CD244: variants seen among roughly 807,000 people sequenced by gnomAD.
The protein encoded by CD244 is natural killer cell receptor 2B4.
A neutral mutation model predicts 45.5 loss-of-function variants in CD244; 20 were observed. The observed-to-expected ratio is 0.44, with a 90% CI of 0.31 to 0.64. The LOEUF is 0.64. CD244 is among the 30% of genes least tolerant of loss of function. The pLI is 0.08. For missense variants in CD244, 407 were observed against 426.9 expected, an observed-to-expected ratio of 0.95 and a Z score of 0.41; for synonymous variants, 185 against 160.5, an observed-to-expected ratio of 1.15 and a Z score of -1.15.
intron 1 of CD244, among the ~76,000 whole-genome samples, chr1:160,855,665 G>A (rs569086235): frequency 1.4e-4 from 21 of 152,330 alleles, no homozygotes; most frequent in African/African-American, 4.8e-4. Context: ...TTAGAGGAAA[G>A]AGGCCACAGT....
chr1:160,849,828 C>G (rs1309914304), intron 1 of CD244, among the ~76,000 whole-genome samples: 1 of 152,146 alleles, frequency 6.6e-6, no homozygotes, highest in Admixed American at 6.5e-5. Flanking sequence ...GCCTGGCCAA[C>G]ACAGTGAAAC....
At chr1:160,849,739 T>C (rs1315926929) in intron 1 of CD244, among the ~76,000 whole-genome samples, 2 of 152,134 alleles carry the variant, frequency 1.3e-5, no homozygotes, top group East Asian at 1.9e-4. Context: ...GAAATGAATA[T>C]GTGAGGCTGG....
At chr1:160,848,845 T>C (rs552771466) in intron 1 of CD244, among the ~76,000 whole-genome samples, 9 of 152,340 alleles carry the variant, frequency 5.9e-5, no homozygotes, top group Admixed American at 5.9e-4. Flanking sequence ...TCTTCATCTG[T>C]ATCCTTTGTA....
intron 3 of CD244, among the ~76,000 whole-genome samples, chr1:160,840,056 C>T (rs1190408849): frequency 1.5e-5 from 2 of 131,162 alleles, no homozygotes; most frequent in African/African-American, 2.8e-5. Context: ...CTTATTATCA[C>T]CCCCATTTTA....
At chr1:160,844,206 T>G (rs1013668329) in intron 1 of CD244, among the ~76,000 whole-genome samples, 1 of 151,904 alleles carries the variant, frequency 6.6e-6, no homozygotes, top group Non-Finnish European at 1.5e-5. Context: ...ATACACAATA[T>G]CCAAAGTGAA....
intron 1 of CD244, among the ~76,000 whole-genome samples, chr1:160,859,292 G>A (rs1173920511): frequency 1.3e-5 from 2 of 152,184 alleles, no homozygotes; most frequent in Non-Finnish European, 2.9e-5. Flanking sequence ...CAAGAGGAGA[G>A]ACAAAGAGGA....
At chr1:160,848,430 G>T in intron 1 of CD244, 1 of 551,222 alleles carries the variant, frequency 1.8e-6, no homozygotes, top group Non-Finnish European at 3.6e-6. Context: ...ATTGCAGACA[G>T]CATGGAGCCC....
chr1:160,862,552 T>G (rs1670348020), intron 1 of CD244, 65 bp downstream of exon 1: 2 of 1,454,026 alleles, frequency 1.4e-6, no homozygotes, highest in African/African-American at 2.8e-5. Context: ...GCTCTGGCTC[T>G]GATCTCCCTG....
At chr1:160,852,720 AT>A (rs1431488470) in intron 1 of CD244, among the ~76,000 whole-genome samples, 1 of 151,744 alleles carries the variant, frequency 6.6e-6, no homozygotes, top group Non-Finnish European at 1.5e-5. Context: ...ATCCAGAAGA[AT>A]TTGTACACAA....
chr1:160,851,294 C>T (rs1030062852), intron 1 of CD244, among the ~76,000 whole-genome samples: 1 of 152,180 alleles, frequency 6.6e-6, no homozygotes, highest in Admixed American at 6.5e-5. Flanking sequence ...GGCCCCTATC[C>T]CGAAGCTGCC....
At chr1:160,849,573 A>G (rs1001219178) in intron 1 of CD244, among the ~76,000 whole-genome samples, 2 of 152,088 alleles carry the variant, frequency 1.3e-5, no homozygotes, top group Admixed American at 6.6e-5. Context: ...TTCCTGTGTT[A>G]GTTTGCTGAG....
intron 1 of CD244, among the ~76,000 whole-genome samples, chr1:160,850,595 T>G (rs959583855): frequency 3.3e-5 from 5 of 152,198 alleles, no homozygotes; most frequent in Admixed American, 1.3e-4. Context: ...GAAATTAAGA[T>G]AGCATTCCAG....
At chr1:160,859,743 CAAAAAAAAA>C (rs541327271) in intron 1 of CD244, among the ~76,000 whole-genome samples, 3 of 108,674 alleles carry the variant, frequency 2.8e-5, no homozygotes, top group Non-Finnish European at 2.1e-5. Flanking sequence ...CCTGTATCTA[CAAAAAAAAA>C]AAAAAAAATT....
intron 1 of CD244, among the ~76,000 whole-genome samples, chr1:160,843,782 A>C (rs1006609194): frequency 6.6e-6 from 1 of 152,248 alleles, no homozygotes; most frequent in Non-Finnish European, 1.5e-5. Flanking sequence ...ATCTGGAAGA[A>C]GGAAATTCAG....
chr1:160,842,711 A>T (rs1669585546), intron 1 of CD244, among the ~76,000 whole-genome samples: 1 of 152,176 alleles, frequency 6.6e-6, no homozygotes, highest in Non-Finnish European at 1.5e-5. Context: ...GTGATCAGAA[A>T]GTCTCCACAA....
rs567425879 is a variant in CD244, at chr1:160,847,503, C to T, written c.62-5602G>A. ...AAGTATTGAAATCATACCAATTATG[C>T]CCTCTAAGCACAGTAGAATTAAACA... On this transcript the variant is annotated intron_variant, in intron 1 of 8. Coordinates refer to ENST00000368034, the MANE Select transcript of CD244 (RefSeq NM_016382.4). Among the ~76,000 whole-genome samples, 188 of 152,174 alleles carry T rather than the reference C, an allele frequency of 1.2e-3. 4 individuals carry two copies. In the South Asian group the frequency reaches 0.027, roughly 22 times the overall value.
intron 1 of CD244, among the ~76,000 whole-genome samples, chr1:160,848,953 C>G (rs1237306145): frequency 6.6e-6 from 1 of 152,184 alleles, no homozygotes; most frequent in East Asian, 1.9e-4. Flanking sequence ...TTGTGAGAAC[C>G]CCAACTGGAA....
chr1:160,848,685 G>A (rs1354736488), intron 1 of CD244, among the ~76,000 whole-genome samples: 1 of 151,278 alleles, frequency 6.6e-6, no homozygotes, highest in Non-Finnish European at 1.5e-5. Flanking sequence ...CAAGGTTGTT[G>A]GTCATGCCTA....
intron 5 of CD244, among the ~76,000 whole-genome samples, chr1:160,836,823 G>T (rs1416170110): frequency 6.6e-6 from 1 of 152,096 alleles, no homozygotes; most frequent in African/African-American, 2.4e-5. Flanking sequence ...CATGCTGCCG[G>T]CCACTGAAAG....
Sources: gnomAD v4.1 joint callset for allele counts (sites outside exome capture counted in the v4.1 genomes callset) on GRCh38, gnomAD v4.1.1 for gene constraint, MANE v1.5 for transcripts, NCBI Gene and HGNC (gene_info 2026-07-23, HGNC 2026-07-21) for gene names.